TAF1A: variants seen among roughly 807,000 people sequenced by gnomAD.
TAF1A encodes the protein TATA box-binding protein-associated factor RNA polymerase I subunit A.
A neutral mutation model predicts 61.6 loss-of-function variants in TAF1A; 42 were observed. The ratio of observed to expected loss-of-function variants is 0.68; its 90% CI spans 0.53 to 0.88. The LOEUF (loss-of-function observed/expected upper bound fraction) is 0.88, where lower values mean the gene tolerates loss of function less well. TAF1A is among the 40% of genes least tolerant of loss of function. TAF1A has a pLI of 0.00. For synonymous variants in TAF1A, 179 were observed against 177.7 expected, an observed-to-expected ratio of 1.01 and a Z score of -0.06; for missense variants, 424 against 518.7, an observed-to-expected ratio of 0.82 and a Z score of 1.77.
chr1:222,579,916 T>C (rs1377239097), intron 3 of TAF1A, 44 bp from the exon 4 acceptor site: 3 of 1,579,026 alleles, frequency 1.9e-6, no homozygotes, highest in South Asian at 2.4e-5. Flanking sequence ...ATTTTTGCCT[T>C]AACCAATTTC....
rs143290656 is a variant in TAF1A, at chr1:222,569,509, C to A, written c.894+1G>T. 21 of 1,613,636 alleles carry A rather than the reference C, an allele frequency of 1.3e-5. No homozygotes were observed. The highest frequency in any genetic ancestry group is 1.7e-5 in the Non-Finnish European group (20 of 1,179,866). On this transcript the variant is annotated splice_donor_variant, in intron 7 of 10. Transcript: ENST00000352967. LOFTEE classifies it high-confidence loss of function. ...CAAACATCGAGATAAAAATTCTATA[C>A]CTTAAGCACACTTATCAATTTTGAT... is the stretch of plus-strand genomic sequence containing the variant.
At chr1:222,559,401 T>C (rs1159635973) in intron 10 of TAF1A, among the ~76,000 whole-genome samples, 1 of 152,212 alleles carries the variant, frequency 6.6e-6, no homozygotes, top group Non-Finnish European at 1.5e-5. Context: ...CCACCTGCTG[T>C]TCATAAGTCT....
chr1:222,571,144 T>A (rs1364577986), intron 5 of TAF1A, among the ~76,000 whole-genome samples: 4 of 152,050 alleles, frequency 2.6e-5, no homozygotes, highest in African/African-American at 7.2e-5. Context: ...CTCATGATCA[T>A]CACAATAGAC....
rs1353602985 is a variant in TAF1A, at chr1:222,589,927, C to T, written c.-203G>A. 5.0e-6 allele frequency: 2 copies of T among 397,426 alleles called. No individual in the cohort carries two copies. The highest frequency in any genetic ancestry group is 8.8e-5 in the Admixed American group (2 of 22,708). 24.6% of individuals were successfully genotyped at this position (397,426 alleles called of 1,614,324 possible). On this transcript the variant is annotated 5_prime_UTR_variant, in exon 1 of 11. Coordinates refer to ENST00000352967, the MANE Select transcript of TAF1A (RefSeq NM_005681.4). ...CGTATCGTTGGCCTCGCCTCGACCCCGGAAGTGACTTCTGGAAGTGACCCA... is the reference window on the plus strand; with the variant it reads ...CGTATCGTTGGCCTCGCCTCGACCCTGGAAGTGACTTCTGGAAGTGACCCA...
chr1:222,581,305 T>A (rs1660780388), intron 3 of TAF1A, among the ~76,000 whole-genome samples: 1 of 152,244 alleles, frequency 6.6e-6, no homozygotes, highest in African/African-American at 2.4e-5. Context: ...CAGGAGTATG[T>A]AACTTAAGTC....
At chr1:222,588,731 G>C (rs61825550) in intron 1 of TAF1A, among the ~76,000 whole-genome samples, 166 bp from the exon 2 acceptor site, 1 of 152,088 alleles carries the variant, frequency 6.6e-6, no homozygotes, top group Non-Finnish European at 1.5e-5. Flanking sequence ...AACTATGTCA[G>C]CAACAGCCAA....
At chr1:222,583,832 C>T (rs1252052748) in intron 3 of TAF1A, among the ~76,000 whole-genome samples, 14 of 139,102 alleles carry the variant, frequency 1.0e-4, no homozygotes, top group Admixed American at 2.2e-4. Context: ...AGCAAGACTC[C>T]GTCTCAAAAA....
rs557688322 is a variant in TAF1A, at chr1:222,569,071, G to T, written c.894+439C>A. The T allele has an allele frequency of 9.0e-5, 19 of 211,588 alleles. No individual in the cohort carries two copies. In the South Asian group the frequency reaches 1.5e-3, roughly 17 times the overall value. The allele number at this position is 211,588 out of a possible 1,614,324, so 13.1% of individuals were successfully genotyped here. On this transcript the variant is annotated intron_variant, in intron 7 of 10. Transcript: ENST00000352967. ...ATAAGCAGATCAGTGATTGTCTGGGGCCATGGTTGTGGGGACAGACAGGCT... is the reference window on the plus strand; with the variant it reads ...ATAAGCAGATCAGTGATTGTCTGGGTCCATGGTTGTGGGGACAGACAGGCT...
At chr1:222,580,383 TAA>T (rs1454247984) in intron 3 of TAF1A, among the ~76,000 whole-genome samples, 1 of 152,172 alleles carries the variant, frequency 6.6e-6, no homozygotes, top group East Asian at 1.9e-4. Context: ...GGACAAATCT[TAA>T]TAAAAAAATA....
chr1:222,573,874 C>T (rs953005077), intron 5 of TAF1A, among the ~76,000 whole-genome samples: 14 of 151,768 alleles, frequency 9.2e-5, no homozygotes, highest in Admixed American at 1.3e-4. Context: ...TGAATGGATA[C>T]CTAAGATATA....
rs1343626404 is a variant in TAF1A at position 222,577,653 on chromosome 1, T to C, written c.406-10A>G. The C allele has an allele frequency of 2.5e-6, 4 of 1,611,506 alleles. No individual in the cohort carries two copies. The highest frequency in any genetic ancestry group is 3.4e-6 in the Non-Finnish European group (4 of 1,178,164). ...CATGTTGTAAGGAGATCTGCAAAAA[T>C]AATAAGGGTACACCGCCATTTAAGC... On this transcript the variant is annotated splice_polypyrimidine_tract_variant and intron_variant, in intron 4 of 10. Transcript: ENST00000352967.
In TAF1A at chr1:222,577,576, C is replaced by T. The variant is rs1660624128; in HGVS notation, c.473G>A (p.Ser158Asn). Residue 158 changes from serine to asparagine, a missense_variant, in exon 5 of 11, where the codon AGT becomes AAT. Transcript: ENST00000352967. The stretch of plus-strand genomic sequence containing the variant: ...ACCATGTCTCCATGTCTCTGCCTCA[C>T]TCAGATTTCTCTTAGCATCTTTAAG... ...GMLKDAKRNL[S>N]EAETWRHGEN... The T allele has an allele frequency of 6.2e-7, 1 of 1,614,014 alleles. No individual in the cohort carries two copies. The highest frequency in any genetic ancestry group is 8.5e-7 in the Non-Finnish European group (1 of 1,179,942).
intron 2 of TAF1A, among the ~76,000 whole-genome samples, chr1:222,587,857 G>A (rs1661078680): frequency 6.6e-6 from 1 of 152,070 alleles, no homozygotes; most frequent in Admixed American, 6.6e-5. Flanking sequence ...TTCAAGAACA[G>A]CCTGCCCAAC....
rs181857104 is a variant in TAF1A at position 222,577,988 on chromosome 1, C to T, written c.406-345G>A. On this transcript the variant is annotated intron_variant, in intron 4 of 10. Coordinates refer to ENST00000352967, the MANE Select transcript of TAF1A (RefSeq NM_005681.4). ...CTCTTTGTGAGTCTCATTTGTTTTA[C>T]GGAACATTACTGCCCCTTCAGAAGG... is the stretch of plus-strand genomic sequence containing the variant. 1.1e-3 allele frequency among the ~76,000 whole-genome samples: 172 copies of T among 152,244 alleles called. 1 individual carries two copies. Among genetic ancestry groups the T allele is most frequent in the African/African-American group, 3.9e-3 (162 of 41,556 alleles).
At chr1:222,578,791 G>C (rs1163450513) in intron 4 of TAF1A, among the ~76,000 whole-genome samples, 1 of 152,008 alleles carries the variant, frequency 6.6e-6, no homozygotes, top group African/African-American at 2.4e-5. Context: ...TCTACTATAA[G>C]AACCATGTCT....
chr1:222,569,785 T>C, intron 6 of TAF1A, 117 bp from the exon 7 acceptor site: 1 of 847,430 alleles, frequency 1.2e-6, no homozygotes, highest in Non-Finnish European at 1.8e-6. Context: ...ACTGACAGGG[T>C]TCCCATTTTT....
At chr1:222,567,347 C>T (rs963318160) in intron 7 of TAF1A, among the ~76,000 whole-genome samples, 2 of 151,960 alleles carry the variant, frequency 1.3e-5, no homozygotes, top group East Asian at 1.9e-4. Flanking sequence ...CTTCGGATAA[C>T]GAAAACATTC....
At chr1:222,563,785 A>C (rs2102640504) in intron 8 of TAF1A, among the ~76,000 whole-genome samples, 1 of 152,374 alleles carries the variant, frequency 6.6e-6, no homozygotes, top group African/African-American at 2.4e-5. Flanking sequence ...TACTGCCTTC[A>C]CATTGTGTAA....
At chr1:222,562,540 C>A (rs960968950) in intron 9 of TAF1A, among the ~76,000 whole-genome samples, 1 of 152,152 alleles carries the variant, frequency 6.6e-6, no homozygotes, top group Non-Finnish European at 1.5e-5. Context: ...CAATTTCCAA[C>A]TGACACTGAA....
Sources: allele counts gnomAD v4.1 joint callset (sites outside exome capture counted in the v4.1 genomes callset), GRCh38; gene constraint gnomAD v4.1.1; transcripts MANE v1.5; gene names NCBI Gene and HGNC (gene_info 2026-07-23, HGNC 2026-07-21).